Variants in FCER1A observed in about 807,000 individuals in gnomAD.
FCER1A encodes high affinity immunoglobulin epsilon receptor subunit alpha.
FCER1A carries 24 observed loss-of-function variants against 23.6 expected under a neutral mutation model. The observed-to-expected ratio is 1.02, with a 90% CI of 0.74 to 1.43. The LOEUF (loss-of-function observed/expected upper bound fraction) is 1.43. Among genes scored for constraint, FCER1A ranks in the 40% most tolerant of loss-of-function variants. The pLI is 0.00. For synonymous variants in FCER1A, 121 were observed against 108.8 expected, an observed-to-expected ratio of 1.11 and a Z score of -0.70; for missense variants, 318 against 294.5, an observed-to-expected ratio of 1.08 and a Z score of -0.58.
At chr1:159,307,610 T>A in intron 4 of FCER1A, 138 bp from the exon 5 acceptor site, 1 of 610,908 alleles carries the variant, frequency 1.6e-6, no homozygotes, top group Non-Finnish European at 2.9e-6. Flanking sequence ...GTGTTTTCTC[T>A]GTGCTTCTGG....
intron 3 of FCER1A, among the ~76,000 whole-genome samples, chr1:159,304,532 A>G (rs553384250): frequency 9.2e-5 from 14 of 152,270 alleles, no homozygotes; most frequent in Admixed American, 7.2e-4. Flanking sequence ...GTGTGAACCC[A>G]GGAGGTGGAG....
upstream of FCER1A, among the ~76,000 whole-genome samples, chr1:159,284,993 C>G (rs895094752): frequency 6.6e-6 from 1 of 152,088 alleles, no homozygotes; most frequent in Non-Finnish European, 1.5e-5. Flanking sequence ...TTGATTGTAA[C>G]TCGTTAAAAG....
At chr1:159,306,318 G>T (rs1652614011) in intron 4 of FCER1A, 73 bp downstream of exon 4, 2 of 1,491,400 alleles carry the variant, frequency 1.3e-6, no homozygotes, top group Non-Finnish European at 1.8e-6. Flanking sequence ...CTGAGCAGTT[G>T]CAGCTTGTAG....
Position 159,305,225 on chromosome 1 carries a change from G to T in FCER1A, c.332-763G>T, listed in dbSNP as rs6656586. Among the ~76,000 whole-genome samples, 549 of 152,178 alleles carry T rather than the reference G, an allele frequency of 3.6e-3. 19 individuals carry two copies. In the East Asian group the frequency reaches 0.077, roughly 21 times the overall value. ...GAGTAGGTTCTAGAGAAGTCCTAAA[G>T]GATTGGTCCTAAATTAATTATGCTT... On this transcript the variant is annotated intron_variant, in intron 3 of 4. Transcript: ENST00000693622.
At chr1:159,295,208 A>G (rs1170572503) in intron 1 of FCER1A, among the ~76,000 whole-genome samples, 2 of 152,146 alleles carry the variant, frequency 1.3e-5, no homozygotes, top group Non-Finnish European at 2.9e-5. Flanking sequence ...GCTATTACCT[A>G]TGATAAAGAG....
Position 159,304,169 on chromosome 1 carries a change from G to C in FCER1A, c.318G>C (p.Leu106=). The change falls in exon 3 of 5, where the codon CTG becomes CTC. Residue 106 remains leucine, a synonymous_variant. Transcript: ENST00000693622. ...QQVNESEPVY[L]EVFSDWLLLQ... ...TTAATGAGAGTGAACCTGTGTACCT[G>C]GAAGTCTTCAGTGGTAAGTTCCAGG... 1 of 1,613,802 alleles carries C rather than the reference G, an allele frequency of 6.2e-7. No homozygotes were observed. Among genetic ancestry groups the C allele is most frequent in the East Asian group, 2.2e-5 (1 of 44,866 alleles).
At chr1:159,289,454 A>G (rs796854153), upstream of FCER1A, among the ~76,000 whole-genome samples, 10 of 152,280 alleles carry the variant, frequency 6.6e-5, 1 homozygote, top group African/African-American at 2.4e-4. Context: ...TTTCATACAC[A>G]CAACTGTGTT....
intron 1 of FCER1A, among the ~76,000 whole-genome samples, chr1:159,291,570 C>A (rs1444547279): frequency 6.6e-6 from 1 of 152,084 alleles, no homozygotes; most frequent in Non-Finnish European, 1.5e-5. Flanking sequence ...GAGTGAAAGC[C>A]ACTTCTCTCT....
Position 159,308,175 on chromosome 1 carries a change from C to G in FCER1A, c.*243C>G. ...TATTAGCATTTGTAAAAGAGATGTT[C>G]AATTTCAATAAAATAAATATAAAAC... On this transcript the variant is annotated 3_prime_UTR_variant, in exon 5 of 5. Transcript: ENST00000693622. 1 of 392,610 alleles carries G rather than the reference C, an allele frequency of 2.5e-6. No homozygotes were observed. The highest frequency in any genetic ancestry group is 4.6e-6 in the Non-Finnish European group (1 of 219,710). 24.3% of individuals were successfully genotyped at this position (392,610 alleles called of 1,614,324 possible).
upstream of FCER1A, among the ~76,000 whole-genome samples, chr1:159,287,366 AAG>A (rs1205830462): frequency 6.6e-6 from 1 of 152,196 alleles, no homozygotes; most frequent in African/African-American, 2.4e-5. Context: ...GAATTGTAGA[AAG>A]AGTATTAGAA....
chr1:159,285,439 C>G (rs1221991584), upstream of FCER1A, among the ~76,000 whole-genome samples: 2 of 151,950 alleles, frequency 1.3e-5, no homozygotes, highest in Non-Finnish European at 2.9e-5. Context: ...TAATTAGATT[C>G]AGGTTCAGCT....
chr1:159,294,477 C>T (rs1652244304), intron 1 of FCER1A, among the ~76,000 whole-genome samples: 1 of 152,122 alleles, frequency 6.6e-6, no homozygotes, highest in Non-Finnish European at 1.5e-5. Context: ...TTTCTTAACC[C>T]TATTTAAAAC....
At chr1:159,296,705 G>T (rs1385649244) in intron 1 of FCER1A, among the ~76,000 whole-genome samples, 4 of 152,182 alleles carry the variant, frequency 2.6e-5, no homozygotes, top group African/African-American at 9.7e-5. Flanking sequence ...CTTCAGTATT[G>T]CAGGGCATTT....
chr1:159,292,622 A>G (rs1652181720), intron 1 of FCER1A, among the ~76,000 whole-genome samples: 1 of 152,130 alleles, frequency 6.6e-6, no homozygotes, highest in South Asian at 2.1e-4. Flanking sequence ...ATACCTATCT[A>G]TATATAGATA....
chr1:159,286,614 A>G (rs61828215), upstream of FCER1A, among the ~76,000 whole-genome samples: 19,909 of 152,116 alleles, frequency 0.13, 1,585 homozygotes, highest in Admixed American at 0.17. Flanking sequence ...TTACAGGCGT[A>G]AGCCATCGTG....
chr1:159,291,176 A>G (rs1214208402), intron 1 of FCER1A, among the ~76,000 whole-genome samples: 1 of 152,176 alleles, frequency 6.6e-6, no homozygotes, highest in Admixed American at 6.5e-5. Flanking sequence ...ATTCACTTCA[A>G]GGTTTTCTCT....
At chr1:159,284,938 A>G (rs1477429807), upstream of FCER1A, among the ~76,000 whole-genome samples, 1 of 152,212 alleles carries the variant, frequency 6.6e-6, no homozygotes, top group African/African-American at 2.4e-5. Flanking sequence ...TTATAATAAT[A>G]TGGTTTGTTT....
chr1:159,307,656 G>T, intron 4 of FCER1A, 92 bp from the exon 5 acceptor site: 1 of 897,062 alleles, frequency 1.1e-6, no homozygotes, highest in Non-Finnish European at 1.7e-6. Context: ...GACAAAGCTT[G>T]GTCTTTCTCT....
At chr1:159,287,096 T>G (rs1162176026), upstream of FCER1A, among the ~76,000 whole-genome samples, 1 of 152,194 alleles carries the variant, frequency 6.6e-6, no homozygotes, top group Non-Finnish European at 1.5e-5. Context: ...CCACAAATTC[T>G]GAATAACGCA....
Sources: allele counts gnomAD v4.1 joint callset (sites outside exome capture counted in the v4.1 genomes callset), GRCh38; gene constraint gnomAD v4.1.1; transcripts MANE v1.5; gene names NCBI Gene and HGNC (gene_info 2026-07-23, HGNC 2026-07-21).